The following XIRP2 variants were observed in gnomAD, a reference collection of about 807,000 sequenced individuals.
XIRP2 encodes the protein xin actin-binding repeat-containing protein 2.
In XIRP2, 236 loss-of-function variants were observed where a neutral mutation model predicts 277.0. That is an observed-to-expected ratio of 0.85 (90% confidence interval 0.77 to 0.95). XIRP2 has a LOEUF of 0.95. Among genes scored for constraint, XIRP2 ranks in the 40% least tolerant of loss-of-function variants. XIRP2 has a pLI of 0.00. For synonymous variants in XIRP2, 1,490 were observed against 1,416.5 expected, an observed-to-expected ratio of 1.05 and a Z score of -1.17; for missense variants, 4,640 against 4,157.5, an observed-to-expected ratio of 1.12 and a Z score of -3.19.
At chr2:166,920,501 A>G (rs1685009053) in intron 2 of XIRP2, among the ~76,000 whole-genome samples, 1 of 152,044 alleles carries the variant, frequency 6.6e-6, no homozygotes, top group Non-Finnish European at 1.5e-5. Context: ...ACTACCACAT[A>G]CTCTTATTCT....
intron 2 of XIRP2, among the ~76,000 whole-genome samples, chr2:166,984,729 G>C (rs1686958186): frequency 6.6e-6 from 1 of 152,074 alleles, no homozygotes; most frequent in Admixed American, 6.6e-5. Flanking sequence ...TGAAAACACT[G>C]ATATCAAAAA....
chr2:167,034,069 CAAT>C (rs1304719004), intron 2 of XIRP2, among the ~76,000 whole-genome samples: 12 of 151,998 alleles, frequency 7.9e-5, no homozygotes, highest in Non-Finnish European at 1.3e-4. Flanking sequence ...ATAACTACAA[CAAT>C]GTTTCAAGAC....
chr2:167,243,470 G>T lies in XIRP2; in HGVS notation c.2078G>T (p.Arg693Ile), dbSNP rs781401707. The change falls in exon 9 of 11, where the codon AGA (arginine) becomes ATA (isoleucine). Residue 693 changes from arginine to isoleucine, a missense_variant. Physicochemically the swap from Arg to Ile is moderately conservative, Grantham distance 97 (BLOSUM62 -3). Coordinates refer to ENST00000409195, the MANE Select transcript of XIRP2 (RefSeq NM_152381.6). ...DITGGDVKTV[R>I]YMFETQHLDQ... Reference sequence around the variant, plus strand: ...ACTGGGGGGGATGTCAAGACTGTGAGATACATGTTTGAAACTCAACATCTA... The same window carrying T: ...ACTGGGGGGGATGTCAAGACTGTGATATACATGTTTGAAACTCAACATCTA... 1 of 1,614,054 alleles carries T rather than the reference G, an allele frequency of 6.2e-7. No individual in the cohort carries two copies. Among genetic ancestry groups the T allele is most frequent in the African/African-American group, 1.3e-5 (1 of 75,040 alleles).
Position 167,249,262 on chromosome 2 carries a change from T to C in XIRP2, c.7870T>C (p.Cys2624Arg). 1.2e-6 allele frequency: 2 copies of C among 1,613,812 alleles called. No individual in the cohort carries two copies. Among genetic ancestry groups the C allele is most frequent in the Non-Finnish European group, 1.7e-6 (2 of 1,179,826 alleles). The change falls in exon 9 of 11, where the codon TGT (cysteine) becomes CGT (arginine). Residue 2624 changes from cysteine to arginine, a missense_variant. By Grantham distance (180) the Cys-to-Arg change is radical. Coordinates refer to ENST00000409195, the MANE Select transcript of XIRP2 (RefSeq NM_152381.6). The part of the protein sequence containing the change: ...SQSNARILGV[C>R]SDNQLSTTSP... The stretch of plus-strand genomic sequence containing the variant: ...AAGTAATGCTCGGATACTAGGAGTG[T>C]GTTCTGATAACCAACTCTCCACAAC...
chr2:167,128,250 A>T (rs1260001096), intron 2 of XIRP2, among the ~76,000 whole-genome samples: 1 of 152,094 alleles, frequency 6.6e-6, no homozygotes, highest in Admixed American at 6.6e-5. Context: ...CTATCTCTCA[A>T]TTGGAAATTT....
At chr2:166,931,400 C>T (rs967924394) in intron 2 of XIRP2, among the ~76,000 whole-genome samples, 9 of 152,146 alleles carry the variant, frequency 5.9e-5, no homozygotes, top group African/African-American at 2.2e-4. Flanking sequence ...TGTCTCAAGA[C>T]CTTCCCTCAA....
intron 5 of XIRP2, among the ~76,000 whole-genome samples, chr2:167,229,904 C>T (rs1171319777): frequency 3.9e-5 from 6 of 152,028 alleles, no homozygotes; most frequent in African/African-American, 1.4e-4. Flanking sequence ...CTGCTAGGAG[C>T]TTTTTCTTGG....
chr2:167,086,738 C>T (rs948478513), intron 2 of XIRP2, among the ~76,000 whole-genome samples: 7 of 151,118 alleles, frequency 4.6e-5, no homozygotes, highest in African/African-American at 1.7e-4. Flanking sequence ...ATCGCATCAG[C>T]TCCTGAGGCT....
chr2:167,146,774 G>A (rs1320600916), intron 3 of XIRP2, among the ~76,000 whole-genome samples: 2 of 151,760 alleles, frequency 1.3e-5, no homozygotes, highest in African/African-American at 2.4e-5. Context: ...GCACAATGAA[G>A]GCATATCATA....
At position 166,923,688 on chromosome 2, in the gene XIRP2, AT is replaced by A. The variant is rs543034940; in HGVS notation, c.408+19799del. 4.6e-5 allele frequency among the ~76,000 whole-genome samples: 7 copies of A among 152,082 alleles called. No homozygotes were observed. The South Asian group carries it at 1.4e-3, about 31-fold the overall frequency. On this transcript the variant is annotated intron_variant, in intron 2 of 10. Coordinates refer to ENST00000409195, the MANE Select transcript of XIRP2 (RefSeq NM_152381.6). Reference sequence around the variant, plus strand: ...AGATGGTAGCCGAACTTCCCCTTAAATACTTGCAGTTTCAAGGAGTTCACAC... The same window carrying A: ...AGATGGTAGCCGAACTTCCCCTTAAAACTTGCAGTTTCAAGGAGTTCACAC...
In XIRP2 at chr2:167,245,353, C is replaced by G; in HGVS notation, c.3961C>G (p.Leu1321Val). The change falls in exon 9 of 11, where the codon CTC (leucine) becomes GTC (valine). Residue 1321 changes from leucine to valine, a missense_variant. By Grantham distance (32) the Leu-to-Val change is conservative (BLOSUM62 1). Coordinates refer to ENST00000409195, the MANE Select transcript of XIRP2 (RefSeq NM_152381.6). ...CAGAATGCTCTTTGAAACCCAGCCA[C>G]TCTATGCAATTCAAGACCGAGAAGG... Reference protein sequence around the residue: ...SYRMLFETQPLYAIQDREGSY... With the variant: ...SYRMLFETQPVYAIQDREGSY... The G allele has an allele frequency of 6.2e-7, 1 of 1,613,680 alleles. No individual in the cohort carries two copies. The highest frequency in any genetic ancestry group is 2.2e-5 in the East Asian group (1 of 44,834).
intron 2 of XIRP2, among the ~76,000 whole-genome samples, chr2:167,003,890 T>G (rs1687436210): frequency 6.6e-6 from 1 of 151,960 alleles, no homozygotes; most frequent in South Asian, 2.1e-4. Flanking sequence ...TTTATCCATC[T>G]GGAATACTGC....
In XIRP2 at chr2:167,247,585, T is replaced by C. The variant is rs1695318859; in HGVS notation, c.6193T>C (p.Trp2065Arg). The C allele has an allele frequency of 6.2e-7, 1 of 1,613,714 alleles. No homozygotes were observed. The highest frequency in any genetic ancestry group is 8.5e-7 in the Non-Finnish European group (1 of 1,179,768). ...VLESGDKTGV[W>R]TDTTGEQHLR... is the part of the protein sequence containing the mutation. ...GGAATCAGGAGACAAAACGGGTGTC[T>C]GGACTGATACTACAGGAGAACAGCA... The change falls in exon 9 of 11, where the codon TGG becomes CGG. Residue 2065 changes from tryptophan (W) to arginine (R), a missense_variant. Coordinates refer to ENST00000409195, the MANE Select transcript of XIRP2 (RefSeq NM_152381.6).
At chr2:166,901,888 T>C (rs1455016148) in intron 1 of XIRP2, among the ~76,000 whole-genome samples, 4 of 152,118 alleles carry the variant, frequency 2.6e-5, no homozygotes, top group African/African-American at 9.7e-5. Flanking sequence ...TACCCACCTT[T>C]CGTCTTCCAA....
At chr2:166,913,571 C>G (rs1558914064) in intron 2 of XIRP2, among the ~76,000 whole-genome samples, 1 of 152,160 alleles carries the variant, frequency 6.6e-6, no homozygotes, top group Non-Finnish European at 1.5e-5. Flanking sequence ...AAAGTAGGAA[C>G]ACATGAGGCC....
chr2:167,250,289 C>A lies in XIRP2; in HGVS notation c.8897C>A (p.Ala2966Glu), dbSNP rs1004489606. 1.2e-6 allele frequency: 2 copies of A among 1,612,952 alleles called. No homozygotes were observed. The highest frequency in any genetic ancestry group is 2.2e-5 in the East Asian group (1 of 44,826). ...TTGTCGAGAGTGAAACAGTTTGAAGCAGAGCCAAATAAAAGTGGCCTTAAA... is the reference window on the plus strand; with the variant it reads ...TTGTCGAGAGTGAAACAGTTTGAAGAAGAGCCAAATAAAAGTGGCCTTAAA... The part of the protein sequence containing the change: ...QILSRVKQFE[A>E]EPNKSGLKTF... Residue 2966 changes from alanine (A) to glutamate (E), a missense_variant, in exon 9 of 11, where the codon GCA becomes GAA. Ala to Glu is a moderately radical substitution (Grantham distance 107). Coordinates refer to ENST00000409195, the MANE Select transcript of XIRP2 (RefSeq NM_152381.6).
intron 2 of XIRP2, among the ~76,000 whole-genome samples, chr2:167,015,461 T>TCTATCTAC (rs1687799872): frequency 6.7e-6 from 1 of 149,596 alleles, no homozygotes; most frequent in African/African-American, 2.4e-5. Context: ...TATCTATCTA[T>TCTATCTAC]CATATTAAAC....
chr2:167,060,525 TA>T (rs1244111108), intron 2 of XIRP2, among the ~76,000 whole-genome samples: 1 of 152,200 alleles, frequency 6.6e-6, no homozygotes, highest in Non-Finnish European at 1.5e-5. Flanking sequence ...TTTTTGTATA[TA>T]TAGTGTGAAA....
At chr2:166,970,285 G>A (rs144704565) in intron 2 of XIRP2, among the ~76,000 whole-genome samples, 8 of 151,958 alleles carry the variant, frequency 5.3e-5, no homozygotes, top group Non-Finnish European at 1.0e-4. Flanking sequence ...TTTAGGAATG[G>A]GTTTTAACAC....
Sources: gnomAD v4.1 joint callset for allele counts (sites outside exome capture counted in the v4.1 genomes callset) on GRCh38, gnomAD v4.1.1 for gene constraint, MANE v1.5 for transcripts, NCBI Gene and HGNC (gene_info 2026-07-23, HGNC 2026-07-21) for gene names.